The following PTPRK variants were observed in gnomAD, a reference collection of about 807,000 sequenced individuals.
The protein encoded by PTPRK is protein tyrosine phosphatase receptor type K.
In PTPRK, 75 loss-of-function variants were observed where a neutral mutation model predicts 178.0. The observed-to-expected ratio is 0.42, with a 90% CI of 0.35 to 0.51. The LOEUF (loss-of-function observed/expected upper bound fraction) is 0.51. Among genes scored for constraint, PTPRK ranks in the 20% least tolerant of loss-of-function variants. The probability of loss-of-function intolerance (pLI) is 0.02; values close to 1 mark genes in which losing one functional copy is unlikely to be tolerated. For synonymous variants in PTPRK, 637 were observed against 620.6 expected (o/e 1.03, Z -0.39); for missense variants, 1,441 against 1,797.8 (o/e 0.80, Z 3.59).
intron 3 of PTPRK, among the ~76,000 whole-genome samples, chr6:128,254,817 G>A (rs938549927): frequency 2.0e-5 from 3 of 151,952 alleles, no homozygotes; most frequent in South Asian, 2.1e-4. Context: ...CTGGGTGTCC[G>A]ACAATCAGTA....
rs371137589 is a variant in PTPRK at position 128,011,843 on chromosome 6, C to G, written c.2195-2575G>C. 3.5e-4 allele frequency among the ~76,000 whole-genome samples: 52 copies of G among 150,680 alleles called. 1 individual carries two copies. The East Asian group carries it at 8.6e-3, about 25-fold the overall frequency. On this transcript the variant is annotated intron_variant, in intron 13 of 29. Transcript: ENST00000368226. ...GAAACTAAAACGCTTGCAGGTATACCAAGAGTACAAAGCATTGAGACTTTC... is the reference window on the plus strand; with the variant it reads ...GAAACTAAAACGCTTGCAGGTATACGAAGAGTACAAAGCATTGAGACTTTC...
chr6:128,407,075 A>AATT (rs1317951170), intron 1 of PTPRK, among the ~76,000 whole-genome samples: 1 of 152,238 alleles, frequency 6.6e-6, no homozygotes, highest in East Asian at 1.9e-4. Flanking sequence ...TACTACTTAG[A>AATT]AACGTGTGTC....
intron 16 of PTPRK, among the ~76,000 whole-genome samples, chr6:127,997,698 A>G (rs1049824042): frequency 3.3e-5 from 5 of 152,050 alleles, no homozygotes; most frequent in Non-Finnish European, 7.4e-5. Context: ...GTACACATGA[A>G]ATGAACAAAA....
chr6:128,353,620 T>C (rs1392344363), intron 2 of PTPRK, among the ~76,000 whole-genome samples: 2 of 152,108 alleles, frequency 1.3e-5, no homozygotes, highest in Non-Finnish European at 2.9e-5. Flanking sequence ...ATACATACCA[T>C]ATACATACAT....
chr6:128,069,039 T>A (rs1782347723), intron 11 of PTPRK, among the ~76,000 whole-genome samples: 1 of 152,038 alleles, frequency 6.6e-6, no homozygotes, highest in South Asian at 2.1e-4. Flanking sequence ...GTTTAGACTC[T>A]GGCATAAAAT....
rs1442416253 is a variant in PTPRK at position 128,150,903 on chromosome 6, G to C, written c.1162+33529C>G. 2.6e-5 allele frequency among the ~76,000 whole-genome samples: 4 copies of C among 152,028 alleles called. No homozygotes were observed. In the East Asian group the frequency reaches 7.7e-4, roughly 29 times the overall value. On this transcript the variant is annotated intron_variant, in intron 7 of 29. Transcript: ENST00000368226. ...ATAAAAGATTAGTCAAAGTATGTAAGGTGATTAGCATGCATAGTATTTGGC... is the reference window on the plus strand; with the variant it reads ...ATAAAAGATTAGTCAAAGTATGTAACGTGATTAGCATGCATAGTATTTGGC...
rs41285279 is a variant in PTPRK, at chr6:127,969,879, A to G, written c.*348T>C. ...AGAAAGGGAGAAAAATGCCACGTAG[A>G]AAGTATGAACTCATGCAACATGTGG... On this transcript the variant is annotated 3_prime_UTR_variant, in exon 30 of 30. Transcript: ENST00000368226. 2,995 of 176,932 alleles carry G rather than the reference A, an allele frequency of 0.017. 47 individuals carry two copies. The highest frequency in any genetic ancestry group is 0.025 in the South Asian group (124 of 5,058). The allele number at this position is 176,932 out of a possible 1,614,324, so 11.0% of individuals were successfully genotyped here. A position where few individuals can be genotyped will look rare whatever the true frequency, so the allele number is the denominator to read the frequency against.
At position 128,328,059 on chromosome 6, in the gene PTPRK, T is replaced by C. The variant is rs138554958; in HGVS notation, c.224-5749A>G. 3.3e-3 allele frequency among the ~76,000 whole-genome samples: 505 copies of C among 152,298 alleles called. 21 individuals carry two copies. Among genetic ancestry groups the C allele is most frequent in the Admixed American group, 0.031 (472 of 15,300 alleles). On this transcript the variant is annotated intron_variant, in intron 2 of 29. Coordinates refer to ENST00000368226, the MANE Select transcript of PTPRK (RefSeq NM_002844.4). ...GCCAGGTTTGTTGCTACAAGCTCAC[T>C]GAGGGACTATGTCTGCTACATGCAC...
intron 11 of PTPRK, among the ~76,000 whole-genome samples, chr6:128,076,520 G>A (rs997501705): frequency 6.6e-6 from 1 of 151,960 alleles, no homozygotes; most frequent in Non-Finnish European, 1.5e-5. Context: ...TATTTTCCTG[G>A]TAGTAACATT....
chr6:128,079,014 A>T (rs1005398698), intron 10 of PTPRK, 96 bp from the exon 11 acceptor site: 5 of 672,330 alleles, frequency 7.4e-6, no homozygotes, highest in Admixed American at 5.0e-5. Flanking sequence ...AGGAAAAAAA[A>T]ATTCACCTAA....
intron 5 of PTPRK, among the ~76,000 whole-genome samples, chr6:128,225,473 T>A (rs1811126451): frequency 6.6e-6 from 1 of 152,024 alleles, no homozygotes; most frequent in Non-Finnish European, 1.5e-5. Flanking sequence ...GAACTGAGAG[T>A]TCCTTACTAG....
At chr6:128,223,372 C>T (rs1390890357) in intron 5 of PTPRK, among the ~76,000 whole-genome samples, 1 of 151,836 alleles carries the variant, frequency 6.6e-6, no homozygotes, top group Non-Finnish European at 1.5e-5. Context: ...ATTTCAAGGA[C>T]ACCAAGAGAT....
chr6:128,302,748 C>A (rs115929673), intron 3 of PTPRK, among the ~76,000 whole-genome samples: 1 of 152,022 alleles, frequency 6.6e-6, no homozygotes, highest in Non-Finnish European at 1.5e-5. Context: ...ATTCATGAAC[C>A]CTTTTCATAC....
chr6:128,234,192 T>C (rs1267137135), intron 5 of PTPRK, among the ~76,000 whole-genome samples: 1 of 152,230 alleles, frequency 6.6e-6, no homozygotes, highest in Admixed American at 6.5e-5. Flanking sequence ...AAATTACCTT[T>C]GAATGTAATC....
At chr6:128,242,707 A>G (rs1562857088) in intron 3 of PTPRK, 105 bp from the exon 4 acceptor site, 2 of 1,436,388 alleles carry the variant, frequency 1.4e-6, no homozygotes, top group East Asian at 2.6e-5. Flanking sequence ...ATTTTTGTTC[A>G]GTAAGAATTA....
chr6:128,376,630 T>A (rs1331473698), intron 2 of PTPRK, among the ~76,000 whole-genome samples: 1 of 152,186 alleles, frequency 6.6e-6, no homozygotes, highest in Non-Finnish European at 1.5e-5. Context: ...CAGGCTTGAA[T>A]TTCTACTCAG....
intron 13 of PTPRK, among the ~76,000 whole-genome samples, chr6:128,041,578 A>G (rs1321461007): frequency 6.6e-6 from 1 of 152,036 alleles, no homozygotes; most frequent in East Asian, 1.9e-4. Context: ...CAATAAAACT[A>G]ATGTAATCCT....
At chr6:128,132,624 C>G (rs1794428811) in intron 7 of PTPRK, among the ~76,000 whole-genome samples, 1 of 152,244 alleles carries the variant, frequency 6.6e-6, no homozygotes, top group African/African-American at 2.4e-5. Flanking sequence ...GACACCACTA[C>G]TATGTGAACA....
chr6:128,310,442 A>AAAAC (rs1381338904), intron 3 of PTPRK, among the ~76,000 whole-genome samples: 1 of 152,176 alleles, frequency 6.6e-6, no homozygotes, highest in Non-Finnish European at 1.5e-5. Flanking sequence ...TTTTTCCAAA[A>AAAAC]AAACAAACAA....
Sources: allele counts gnomAD v4.1 joint callset (sites outside exome capture counted in the v4.1 genomes callset), GRCh38; gene constraint gnomAD v4.1.1; transcripts MANE v1.5; gene names NCBI Gene and HGNC (gene_info 2026-07-23, HGNC 2026-07-21).